Variants in EEFSEC observed in about 807,000 individuals in gnomAD.
The protein encoded by EEFSEC is eukaryotic elongation factor, selenocysteine-tRNA specific.
EEFSEC carries 43 observed loss-of-function variants against 42.1 expected under a neutral mutation model. The observed-to-expected ratio is 1.02, with a 90% CI of 0.80 to 1.32. The LOEUF is 1.32. Among genes scored for constraint, EEFSEC ranks in the 40% most tolerant of loss-of-function variants. The pLI is 0.00. For missense variants in EEFSEC, 745 were observed against 803.6 expected, an observed-to-expected ratio of 0.93 and a Z score of 0.88; for synonymous variants, 354 against 339.1, an observed-to-expected ratio of 1.04 and a Z score of -0.48.
intron 2 of EEFSEC, among the ~76,000 whole-genome samples, chr3:128,249,921 T>C (rs1458964905): frequency 2.6e-5 from 4 of 152,204 alleles, no homozygotes; most frequent in Admixed American, 1.3e-4. Flanking sequence ...AATTTTCTGC[T>C]TTCAATTCCT....
intron 1 of EEFSEC, among the ~76,000 whole-genome samples, chr3:128,177,248 A>T (rs1210159644): frequency 6.6e-6 from 1 of 152,020 alleles, no homozygotes; most frequent in Admixed American, 6.6e-5. Flanking sequence ...AAACCAAGAT[A>T]AAAAAAGCCT....
intron 5 of EEFSEC, among the ~76,000 whole-genome samples, chr3:128,357,471 C>T (rs919128363): frequency 9.8e-5 from 15 of 152,286 alleles, no homozygotes; most frequent in South Asian, 2.1e-4. Flanking sequence ...GCCAGGGAAA[C>T]GAGCAATTCT....
At chr3:128,163,386 G>A (rs1024862502) in intron 1 of EEFSEC, among the ~76,000 whole-genome samples, 1 of 152,088 alleles carries the variant, frequency 6.6e-6, no homozygotes, top group Non-Finnish European at 1.5e-5. Flanking sequence ...CATTAGCCTG[G>A]AAGCTTGATG....
chr3:128,367,768 G>A, intron 6 of EEFSEC: 1 of 985,434 alleles, frequency 1.0e-6, no homozygotes, highest in Admixed American at 6.1e-5. Flanking sequence ...CATATCACTG[G>A]CTCCATCAGC....
At chr3:128,158,755 A>G (rs905202115) in intron 1 of EEFSEC, among the ~76,000 whole-genome samples, 4 of 152,374 alleles carry the variant, frequency 2.6e-5, no homozygotes, top group Middle Eastern at 3.4e-3. Flanking sequence ...TTATTGTGAT[A>G]TTCACTGTGC....
At chr3:128,421,073 G>A in the EEFSEC span, among the ~76,000 whole-genome samples, 379 of 152,254 alleles carry the variant, frequency 2.5e-3, 3 homozygotes, top group African/African-American at 8.6e-3. Flanking sequence ...AGGAGCCAGC[G>A]TGGCAGGCTT....
intron 5 of EEFSEC, among the ~76,000 whole-genome samples, chr3:128,347,422 G>C (rs1181878560): frequency 2.0e-5 from 3 of 152,168 alleles, no homozygotes; most frequent in Non-Finnish European, 4.4e-5. Context: ...AAGGGAAATA[G>C]TTGGTATCCT....
chr3:128,316,010 G>A (rs566595622), intron 4 of EEFSEC, among the ~76,000 whole-genome samples: 12 of 152,332 alleles, frequency 7.9e-5, no homozygotes, highest in Admixed American at 7.2e-4. Context: ...TATTATGCAA[G>A]TAGTACGTGA....
chr3:128,193,100 A>T (rs1057501137), intron 1 of EEFSEC, among the ~76,000 whole-genome samples: 1 of 152,158 alleles, frequency 6.6e-6, no homozygotes, highest in Non-Finnish European at 1.5e-5. Context: ...GGGTGGCCAC[A>T]CTCAGGGACC....
intron 1 of EEFSEC, among the ~76,000 whole-genome samples, chr3:128,222,051 T>G: frequency 6.8e-6 from 1 of 147,936 alleles, no homozygotes; most frequent in East Asian, 2.0e-4. Flanking sequence ...TTTTTTTTTT[T>G]GAGACAGAAT....
At chr3:128,400,923 A>G (rs968885054) in intron 6 of EEFSEC, among the ~76,000 whole-genome samples, 3 of 152,078 alleles carry the variant, frequency 2.0e-5, no homozygotes, top group Non-Finnish European at 4.4e-5. Context: ...GCCCTGGGAG[A>G]GTGTCTCCAC....
At chr3:128,276,654 A>G (rs2066471976) in intron 4 of EEFSEC, among the ~76,000 whole-genome samples, 1 of 152,226 alleles carries the variant, frequency 6.6e-6, no homozygotes, top group African/African-American at 2.4e-5. Context: ...GCTAGGTCAT[A>G]GGAGTAGAGG....
chr3:128,392,882 T>C (rs2067932481), intron 6 of EEFSEC, among the ~76,000 whole-genome samples: 1 of 151,418 alleles, frequency 6.6e-6, no homozygotes, highest in Non-Finnish European at 1.5e-5. Context: ...GGGAAGGGGG[T>C]GGTGGGTACA....
chr3:128,286,029 C>T (rs1176871148), intron 4 of EEFSEC, among the ~76,000 whole-genome samples: 2 of 152,226 alleles, frequency 1.3e-5, no homozygotes, highest in African/African-American at 4.8e-5. Flanking sequence ...GTGTGTACAG[C>T]ATTGTTTGCT....
chr3:128,313,370 G>A (rs1448568174), intron 4 of EEFSEC, among the ~76,000 whole-genome samples: 3 of 152,250 alleles, frequency 2.0e-5, no homozygotes, highest in Non-Finnish European at 2.9e-5. Context: ...GTTTCTGGTC[G>A]ATGCAGCTTT....
intron 4 of EEFSEC, among the ~76,000 whole-genome samples, chr3:128,316,560 A>G (rs2108029141): frequency 6.6e-6 from 1 of 152,336 alleles, no homozygotes; most frequent in South Asian, 2.1e-4. Context: ...GCTGCACAGC[A>G]TCTCAGCATG....
intron 4 of EEFSEC, among the ~76,000 whole-genome samples, chr3:128,328,503 C>T (rs2067090105): frequency 6.6e-6 from 1 of 152,194 alleles, no homozygotes; most frequent in African/African-American, 2.4e-5. Flanking sequence ...GCCCTTCCAG[C>T]AAGTTGTAAG....
At chr3:128,281,809 C>G in intron 4 of EEFSEC, among the ~76,000 whole-genome samples, 1 of 152,306 alleles carries the variant, frequency 6.6e-6, no homozygotes. Context: ...AGCCTTATGG[C>G]TGATGGGGGC....
At chr3:128,392,526 A>T (rs1450040797) in intron 6 of EEFSEC, among the ~76,000 whole-genome samples, 2 of 152,188 alleles carry the variant, frequency 1.3e-5, no homozygotes, top group Admixed American at 6.5e-5. Context: ...TCTGGACAGG[A>T]TCTACTTCCA....
Sources: allele counts gnomAD v4.1 joint callset (sites outside exome capture counted in the v4.1 genomes callset), GRCh38; gene constraint gnomAD v4.1.1; transcripts MANE v1.5; gene names NCBI Gene and HGNC (gene_info 2026-07-23, HGNC 2026-07-21).